The following AUTS2 variants were observed in gnomAD, a reference collection of about 807,000 sequenced individuals.
The protein encoded by AUTS2 is autism susceptibility gene 2 protein.
Under a neutral mutation model 112.4 loss-of-function variants are expected in AUTS2, and 17 were observed. The ratio of observed to expected loss-of-function variants is 0.15; its 90% CI spans 0.10 to 0.23. The LOEUF (loss-of-function observed/expected upper bound fraction) is 0.23, where lower values mean the gene tolerates loss of function less well. AUTS2 is among the 10% of genes least tolerant of loss of function. AUTS2 has a pLI of 1.00. For missense variants in AUTS2, 1,510 were observed against 1,701.6 expected (o/e 0.89, Z 1.98); for synonymous variants, 751 against 702.7 (o/e 1.07, Z -1.09).
intron 15 of AUTS2, 113 bp from the exon 16 acceptor site, chr7:70,784,829 C>A: frequency 1.2e-6 from 1 of 851,754 alleles, no homozygotes; most frequent in Non-Finnish European, 1.9e-6. Flanking sequence ...GGACTTCAGC[C>A]ATGACCTCCC....
intron 4 of AUTS2, among the ~76,000 whole-genome samples, chr7:70,182,676 G>T (rs1321515695): frequency 6.6e-6 from 1 of 152,008 alleles, no homozygotes; most frequent in African/African-American, 2.4e-5. Context: ...CTCAATAAGT[G>T]CTTGTAGCTT....
chr7:70,358,218 T>A (rs767580066), intron 4 of AUTS2, among the ~76,000 whole-genome samples: 1 of 152,226 alleles, frequency 6.6e-6, no homozygotes, highest in South Asian at 2.1e-4. Flanking sequence ...TTTTCTCTTG[T>A]TGATCTAGAT....
At position 70,342,578 on chromosome 7, in the gene AUTS2, T is replaced by C. The variant is rs531904664; in HGVS notation, c.661-93174T>C. Among the ~76,000 whole-genome samples, 9 of 152,230 alleles carry C rather than the reference T, an allele frequency of 5.9e-5. No homozygotes were observed. In the East Asian group the frequency reaches 1.7e-3, roughly 29 times the overall value. ...ACATGTGGCTGTTGAGCACTTGAAA[T>C]GTGGCTAGTGAGACTAAGGAGCTAA... On this transcript the variant is annotated intron_variant, in intron 4 of 18. Transcript: ENST00000342771.
intron 2 of AUTS2, among the ~76,000 whole-genome samples, chr7:69,971,802 T>C (rs934133888): frequency 8.5e-5 from 13 of 152,234 alleles, no homozygotes; most frequent in Admixed American, 8.5e-4. Context: ...TGAGTAGTAT[T>C]CTATGGTATG....
chr7:69,722,319 C>T (rs1188298601), intron 1 of AUTS2, among the ~76,000 whole-genome samples: 3 of 151,496 alleles, frequency 2.0e-5, no homozygotes, highest in Non-Finnish European at 4.4e-5. Context: ...AGGCTATTTC[C>T]ATTCTTAGAA....
In AUTS2 at chr7:69,990,545, G is replaced by A. The variant is rs539742020; in HGVS notation, c.522+91047G>A. On this transcript the variant is annotated intron_variant, in intron 2 of 18. Coordinates refer to ENST00000342771, the MANE Select transcript of AUTS2 (RefSeq NM_015570.4). ...TGTGTTTGTGTGTGTGTATGTCAGG[G>A]GAGGTGGAGGGAAAATGTGGATACA... Among the ~76,000 whole-genome samples, 123 of 152,264 alleles carry A rather than the reference G, an allele frequency of 8.1e-4. 5 individuals carry two copies. The South Asian group carries it at 0.018, about 23-fold the overall frequency.
intron 1 of AUTS2, among the ~76,000 whole-genome samples, chr7:69,715,656 G>T (rs1243592497): frequency 6.6e-6 from 1 of 152,176 alleles, no homozygotes; most frequent in East Asian, 1.9e-4. Flanking sequence ...TGAAGGATTG[G>T]TGTTGGGTAA....
Position 70,474,108 on chromosome 7 carries a change from C to G in AUTS2, c.690+38327C>G, listed in dbSNP as rs545351575. ...ACTGGCTTCAGGGGATATTCCAACC[C>G]CTGATGTACTCTGGCATCAAAAGCT... On this transcript the variant is annotated intron_variant, in intron 5 of 18. Transcript: ENST00000342771. Among the ~76,000 whole-genome samples, 65 of 152,298 alleles carry G rather than the reference C, an allele frequency of 4.3e-4. No homozygotes were observed. In the East Asian group the frequency reaches 0.012, roughly 28 times the overall value.
chr7:69,779,174 C>T (rs1039843852), intron 1 of AUTS2, among the ~76,000 whole-genome samples: 1 of 150,460 alleles, frequency 6.6e-6, no homozygotes, highest in African/African-American at 2.4e-5. Flanking sequence ...CAGGTGTGAG[C>T]CACCGTGCCT....
chr7:69,854,564 C>T (rs1053940980), intron 1 of AUTS2, among the ~76,000 whole-genome samples: 2 of 151,910 alleles, frequency 1.3e-5, no homozygotes, highest in African/African-American at 2.4e-5. Context: ...TATCTGTCAG[C>T]GTGTCTGTGT....
Position 70,763,158 on chromosome 7 carries a change from G to A in AUTS2, c.1031G>A (p.Gly344Asp), listed in dbSNP as rs748891948. 10 of 1,613,804 alleles carry A rather than the reference G, an allele frequency of 6.2e-6. No individual in the cohort carries two copies. The highest frequency in any genetic ancestry group is 2.7e-5 in the African/African-American group (2 of 74,882). ...PPPLSTQPPQ[G>D]PPEAQLQPAP... is the part of the protein sequence containing the mutation. The stretch of plus-strand genomic sequence containing the variant: ...CCTCTGAGTACACAGCCACCACAGG[G>A]CCCTCCTGAGGCCCAGCTCCAGCCT... The change falls in exon 7 of 19, where the codon GGC becomes GAC. Residue 344 changes from glycine to aspartate, a missense_variant. By Grantham distance (94) the Gly-to-Asp change is moderately conservative. Around this residue, in one of 3 missense-constraint regions of AUTS2, gnomAD observed 535 missense variants for 594.3 expected, o/e 0.90. Transcript: ENST00000342771.
chr7:70,483,805 G>A (rs1399746590), intron 5 of AUTS2, among the ~76,000 whole-genome samples: 5 of 150,508 alleles, frequency 3.3e-5, no homozygotes, highest in African/African-American at 2.4e-5. Context: ...AAAGGAGAAA[G>A]AAAAAAAAAA....
chr7:69,875,799 C>T (rs935391502), intron 1 of AUTS2, among the ~76,000 whole-genome samples: 1 of 152,154 alleles, frequency 6.6e-6, no homozygotes, highest in Non-Finnish European at 1.5e-5. Flanking sequence ...AGGTCAGAGC[C>T]TCTATGCACC....
chr7:70,082,665 G>A (rs191140462), intron 2 of AUTS2, among the ~76,000 whole-genome samples: 44 of 152,204 alleles, frequency 2.9e-4, no homozygotes, highest in Non-Finnish European at 6.3e-4. Context: ...ATATCTCCTC[G>A]CCTTTTATGT....
intron 2 of AUTS2, among the ~76,000 whole-genome samples, chr7:69,963,483 C>G (rs1381984476): frequency 6.6e-6 from 1 of 152,004 alleles, no homozygotes; most frequent in Non-Finnish European, 1.5e-5. Flanking sequence ...AATTAAGGCT[C>G]TATCATAGCA....
Position 69,899,430 on chromosome 7 carries a change from C to G in AUTS2, c.454C>G (p.Arg152Gly), listed in dbSNP as rs779089442. 3.7e-6 allele frequency: 6 copies of G among 1,613,822 alleles called. No individual in the cohort carries two copies. In the African/African-American group the frequency reaches 4.0e-5, roughly 11 times the overall value. ...LSHPHHYSSD[R>G]ENDRNLCQHL... ...CCACCCACACCACTACAGCTCAGAT[C>G]GAGAAAATGACCGCAATCTCTGCCA... Residue 152 changes from arginine (R) to glycine (G), a missense_variant, in exon 2 of 19, where the codon CGA (arginine) becomes GGA (glycine). Arg to Gly is a moderately radical substitution (Grantham distance 125). Transcript: ENST00000342771.
intron 2 of AUTS2, among the ~76,000 whole-genome samples, chr7:70,109,506 C>G (rs1343822746): frequency 2.0e-5 from 3 of 151,916 alleles, no homozygotes. Context: ...CTTTTTTTCT[C>G]TATTGTTTAG....
chr7:70,488,899 G>A (rs545724935), intron 5 of AUTS2, among the ~76,000 whole-genome samples: 8 of 152,070 alleles, frequency 5.3e-5, no homozygotes, highest in Non-Finnish European at 8.8e-5. Flanking sequence ...TCTGTCCCAC[G>A]GGCTCACTTT....
intron 5 of AUTS2, among the ~76,000 whole-genome samples, chr7:70,563,329 C>T (rs1801567704): frequency 6.6e-6 from 1 of 152,122 alleles, no homozygotes; most frequent in Admixed American, 6.6e-5. Flanking sequence ...TATGTGGTAG[C>T]CCTTTCCAAA....
Sources: gnomAD v4.1 joint callset for allele counts (sites outside exome capture counted in the v4.1 genomes callset) on GRCh38, gnomAD v4.1.1 for gene constraint, gnomAD v4.1.1 regional missense constraint, MANE v1.5 for transcripts, NCBI Gene and HGNC (gene_info 2026-07-23, HGNC 2026-07-21) for gene names.